DNM3: variants seen among roughly 807,000 people sequenced by gnomAD.
DNM3 encodes the protein dynamin-3.
A neutral mutation model predicts 101.6 loss-of-function variants in DNM3; 47 were observed. The observed-to-expected ratio is 0.46, with a 90% CI of 0.37 to 0.59. DNM3 has a LOEUF of 0.59. Among genes scored for constraint, DNM3 ranks in the 20% least tolerant of loss-of-function variants. DNM3 has a pLI of 0.00. For synonymous variants in DNM3, 385 were observed against 387.9 expected, an observed-to-expected ratio of 0.99 and a Z score of 0.09; for missense variants, 849 against 1,085.7, an observed-to-expected ratio of 0.78 and a Z score of 3.06.
chr1:172,186,894 G>A (rs1302233240), intron 14 of DNM3, among the ~76,000 whole-genome samples: 1 of 152,070 alleles, frequency 6.6e-6, no homozygotes, highest in Non-Finnish European at 1.5e-5. Context: ...ATGGATCATG[G>A]GTTGTGAACC....
At chr1:172,387,653 G>A (rs1373016480) in intron 19 of DNM3, among the ~76,000 whole-genome samples, 1 of 149,868 alleles carries the variant, frequency 6.7e-6, no homozygotes, top group South Asian at 2.1e-4. Flanking sequence ...GCAAGACTCC[G>A]TCTCAAAAAA....
At chr1:172,096,753 A>T (rs1376892263) in intron 13 of DNM3, among the ~76,000 whole-genome samples, 1 of 152,174 alleles carries the variant, frequency 6.6e-6, no homozygotes, top group Non-Finnish European at 1.5e-5. Flanking sequence ...AGTGACAGAG[A>T]ACTCTTTCTT....
chr1:171,998,964 A>T (rs2046190786), intron 4 of DNM3, among the ~76,000 whole-genome samples: 1 of 152,094 alleles, frequency 6.6e-6, no homozygotes, highest in South Asian at 2.1e-4. Flanking sequence ...GCAATCAGAG[A>T]GGTAGGCAGG....
At chr1:171,864,624 C>T (rs1278874113) in intron 1 of DNM3, 1 of 152,120 alleles carries the variant, frequency 6.6e-6, no homozygotes, top group Non-Finnish European at 1.5e-5. Context: ...AAGAGAAGCA[C>T]AAAGAGATCA....
intron 4 of DNM3, among the ~76,000 whole-genome samples, chr1:172,029,509 C>A (rs57230765): frequency 0.011 from 1,656 of 152,274 alleles, 35 homozygotes; most frequent in African/African-American, 0.038. Flanking sequence ...ACAAGGATGC[C>A]TTCTCTCACC....
At chr1:172,346,483 A>G (rs1558025354) in intron 17 of DNM3, among the ~76,000 whole-genome samples, 1 of 152,194 alleles carries the variant, frequency 6.6e-6, no homozygotes, top group Non-Finnish European at 1.5e-5. Flanking sequence ...ACATGGGATC[A>G]TCTTTATATT....
At chr1:171,896,500 T>C (rs1013888849) in intron 1 of DNM3, among the ~76,000 whole-genome samples, 1 of 152,226 alleles carries the variant, frequency 6.6e-6, no homozygotes, top group African/African-American at 2.4e-5. Flanking sequence ...GTATATTTTG[T>C]ATCCTGAGAC....
At chr1:172,077,107 G>T (rs1303120251) in intron 11 of DNM3, among the ~76,000 whole-genome samples, 3 of 152,078 alleles carry the variant, frequency 2.0e-5, no homozygotes, top group African/African-American at 4.8e-5. Context: ...TTGCATAGAG[G>T]TGTTTATAGT....
intron 17 of DNM3, chr1:172,370,407 A>C (rs2068261879): frequency 6.6e-6 from 1 of 152,012 alleles, no homozygotes; most frequent in Non-Finnish European, 1.5e-5. Context: ...GGTATTGCTA[A>C]TAAGCAAAAG....
intron 14 of DNM3, among the ~76,000 whole-genome samples, chr1:172,154,479 A>G (rs1204163633): frequency 6.6e-6 from 1 of 152,136 alleles, no homozygotes; most frequent in African/African-American, 2.4e-5. Context: ...CTGGGAATCT[A>G]CTACCAGGAG....
chr1:172,049,977 A>G (rs1015847685), intron 10 of DNM3, among the ~76,000 whole-genome samples: 1 of 152,064 alleles, frequency 6.6e-6, no homozygotes, highest in Non-Finnish European at 1.5e-5. Flanking sequence ...GGAGGTTCAG[A>G]CCCCTTCTCT....
chr1:172,196,541 C>T (rs1029326680), intron 14 of DNM3, among the ~76,000 whole-genome samples: 1 of 151,996 alleles, frequency 6.6e-6, no homozygotes, highest in African/African-American at 2.4e-5. Context: ...ATAAGCATTC[C>T]CTTTTCTCCA....
chr1:172,281,001 A>G (rs903878941), intron 15 of DNM3, among the ~76,000 whole-genome samples: 2 of 152,138 alleles, frequency 1.3e-5, no homozygotes, highest in Admixed American at 1.3e-4. Context: ...AAGGAACAGC[A>G]AGTTTTGCTT....
At position 172,062,355 on chromosome 1, in the gene DNM3, C is replaced by T. The variant is rs887452360; in HGVS notation, c.1336-6464C>T. ...GTAAGAGGCTCTTCTGACTACTCTGCGGCACCCAAGTTTTATTCACTCAAG... is the reference window on the plus strand; with the variant it reads ...GTAAGAGGCTCTTCTGACTACTCTGTGGCACCCAAGTTTTATTCACTCAAG... On this transcript the variant is annotated intron_variant, in intron 10 of 20. Transcript: ENST00000627582. Among the ~76,000 whole-genome samples, 13 of 152,184 alleles carry T rather than the reference C, an allele frequency of 8.5e-5. No homozygotes were observed. In the South Asian group the frequency reaches 1.7e-3, roughly 19 times the overall value.
At chr1:172,056,976 A>G (rs944063745) in intron 10 of DNM3, among the ~76,000 whole-genome samples, 4 of 152,080 alleles carry the variant, frequency 2.6e-5, no homozygotes, top group Non-Finnish European at 1.5e-5. Flanking sequence ...TAACTAGAAT[A>G]ACCAATACAG....
chr1:172,331,784 GT>G (rs2066196858), intron 17 of DNM3, among the ~76,000 whole-genome samples: 1 of 152,064 alleles, frequency 6.6e-6, no homozygotes, highest in South Asian at 2.1e-4. Flanking sequence ...ACAGAAAAAA[GT>G]TACTATTTTA....
chr1:172,090,089 A>G (rs1215170885), intron 12 of DNM3, among the ~76,000 whole-genome samples: 1 of 152,192 alleles, frequency 6.6e-6, no homozygotes, highest in Non-Finnish European at 1.5e-5. Flanking sequence ...GGGGACTGAT[A>G]CATAATTTTA....
Position 172,234,698 on chromosome 1 carries a change from G to A in DNM3, c.1660-18875G>A, listed in dbSNP as rs575281176. On this transcript the variant is annotated intron_variant, in intron 14 of 20. Transcript: ENST00000627582. ...TACCAAAACAGAGATATAGACCAAT[G>A]GAACAGAACAGAGCCCTCAGAAATA... is the stretch of plus-strand genomic sequence containing the variant. Among the ~76,000 whole-genome samples, 92 of 152,002 alleles carry A rather than the reference G, an allele frequency of 6.1e-4. No individual in the cohort carries two copies. The South Asian group carries it at 0.017, about 28-fold the overall frequency.
chr1:172,266,734 G>C (rs1479998785), intron 15 of DNM3, among the ~76,000 whole-genome samples: 1 of 152,108 alleles, frequency 6.6e-6, no homozygotes, highest in Non-Finnish European at 1.5e-5. Context: ...ACCCCCCTTG[G>C]AGTGTAGGTG....
Sources: allele counts gnomAD v4.1 joint callset (sites outside exome capture counted in the v4.1 genomes callset), GRCh38; gene constraint gnomAD v4.1.1; transcripts MANE v1.5; gene names NCBI Gene and HGNC (gene_info 2026-07-23, HGNC 2026-07-21).